Variants in KAT14 observed in about 807,000 individuals in gnomAD.
KAT14 encodes cysteine-rich protein 2-binding protein.
In KAT14, 66 loss-of-function variants were observed where a neutral mutation model predicts 78.4. The ratio of observed to expected loss-of-function variants is 0.84; its 90% CI spans 0.69 to 1.03. KAT14 has a LOEUF of 1.03. KAT14 is among the 50% of genes least tolerant of loss of function. The probability of loss-of-function intolerance (pLI) is 0.00; values close to 1 mark genes in which losing one functional copy is unlikely to be tolerated. For missense variants in KAT14, 870 were observed against 972.5 expected, an observed-to-expected ratio of 0.89 and a Z score of 1.40; for synonymous variants, 344 against 359.4, an observed-to-expected ratio of 0.96 and a Z score of 0.48.
intron 7 of KAT14, among the ~76,000 whole-genome samples, chr20:18,177,935 A>G (rs1328829348): frequency 6.6e-6 from 1 of 152,108 alleles, no homozygotes; most frequent in Non-Finnish European, 1.5e-5. Flanking sequence ...ATACCTTCCT[A>G]GGGAACAGAG....
At chr20:18,158,574 A>C (rs887677843) in intron 4 of KAT14, among the ~76,000 whole-genome samples, 1 of 152,202 alleles carries the variant, frequency 6.6e-6, no homozygotes, top group Non-Finnish European at 1.5e-5. Context: ...ACTCTAGTGC[A>C]TCGAGGCAGA....
At chr20:18,167,077 G>A (rs890303774) in intron 7 of KAT14, among the ~76,000 whole-genome samples, 2 of 152,166 alleles carry the variant, frequency 1.3e-5, no homozygotes, top group Non-Finnish European at 2.9e-5. Flanking sequence ...CTAGAGATCA[G>A]ACCTCCTGGC....
At chr20:18,168,510 T>C (rs149307969) in intron 7 of KAT14, among the ~76,000 whole-genome samples, 2,471 of 152,130 alleles carry the variant, frequency 0.016, 39 homozygotes, top group Non-Finnish European at 0.024. Flanking sequence ...CGTGGGTGAT[T>C]GGGTGAGACT....
intron 4 of KAT14, among the ~76,000 whole-genome samples, chr20:18,153,999 T>C (rs1009584734): frequency 2.0e-5 from 3 of 152,238 alleles, no homozygotes; most frequent in Non-Finnish European, 2.9e-5. Flanking sequence ...CAGTAAACTT[T>C]CTTTTGATCT....
At position 18,183,157 on chromosome 20, in the gene KAT14, C is replaced by T. The variant is rs769702175; in HGVS notation, c.1840C>T (p.Leu614Phe). The T allele has an allele frequency of 9.9e-6, 16 of 1,612,346 alleles. No individual in the cohort carries two copies. In the Admixed American group the frequency reaches 2.7e-4, roughly 27 times the overall value. The change falls in exon 9 of 11, where the codon CTC (leucine) becomes TTC (phenylalanine). Residue 614 changes from leucine (L) to phenylalanine (F), a missense_variant. Physicochemically the swap from Leu to Phe is conservative, Grantham distance 22. Transcript: ENST00000688188. ...TGAAACAAAGCCACCCAAACTGCAG[C>T]TCCTGTCACAGATTCGTTCCCACCT... ...DYETKPPKLQ[L>F]LSQIRSHLHR...
Position 18,161,818 on chromosome 20 carries a change from A to G in KAT14, c.683-5A>G, listed in dbSNP as rs80113248. On this transcript the variant is annotated splice_polypyrimidine_tract_variant and splice_region_variant and intron_variant, in intron 5 of 10. Transcript: ENST00000688188. Reference sequence around the variant, plus strand: ...ACTCAGCCTGTATTTATTCTTTCTTAGCAGCCTCAAAACCAACTTTAGATC... The same window carrying G: ...ACTCAGCCTGTATTTATTCTTTCTTGGCAGCCTCAAAACCAACTTTAGATC... The G allele has an allele frequency of 0.064, 103,212 of 1,609,846 alleles. 3,592 individuals carry two copies. Among genetic ancestry groups the G allele is most frequent in the Middle Eastern group, 0.12 (699 of 6,034 alleles).
intron 2 of KAT14, 183 bp downstream of exon 2, chr20:18,143,102 T>C: frequency 7.3e-7 from 1 of 1,377,474 alleles, no homozygotes; most frequent in Non-Finnish European, 9.4e-7. Context: ...AAACGTACTG[T>C]CAACCTCTAT....
intron 7 of KAT14, among the ~76,000 whole-genome samples, chr20:18,163,506 T>G (rs1303963629): frequency 1.3e-5 from 2 of 152,260 alleles, no homozygotes; most frequent in East Asian, 3.8e-4. Flanking sequence ...CTTATTCCCT[T>G]TATCTTTGCT....
At chr20:18,151,188 CTTATTTAT>C (rs542293023) in intron 4 of KAT14, among the ~76,000 whole-genome samples, 10 of 151,562 alleles carry the variant, frequency 6.6e-5, no homozygotes, top group Middle Eastern at 3.4e-3. Flanking sequence ...ACATGCCTGG[CTTATTTAT>C]TTATTTATTT....
At chr20:18,158,514 G>A (rs2038301850) in intron 4 of KAT14, among the ~76,000 whole-genome samples, 1 of 152,146 alleles carries the variant, frequency 6.6e-6, no homozygotes, top group Non-Finnish European at 1.5e-5. Context: ...ATTTTGTTGT[G>A]CAGTAGGTGC....
Position 18,162,688 on chromosome 20 carries a change from C to T in KAT14, c.1411C>T (p.Leu471Phe), listed in dbSNP as rs774536716. 1.9e-6 allele frequency: 3 copies of T among 1,614,112 alleles called. No individual in the cohort carries two copies. Among genetic ancestry groups the T allele is most frequent in the African/African-American group, 2.7e-5 (2 of 74,930 alleles). Residue 471 changes from leucine (L) to phenylalanine (F), a missense_variant, in exon 7 of 11, where the codon CTC becomes TTC. Coordinates refer to ENST00000688188, the MANE Select transcript of KAT14 (RefSeq NM_001392073.1). ...PVSIYEEKLL[L>F]KRLEACPGAV... is the part of the protein sequence containing the mutation. ...GAGCATCTACGAGGAAAAGCTGCTG[C>T]TCAAGAGGCTGGAAGCTTGTCCCGG...
intron 3 of KAT14, among the ~76,000 whole-genome samples, chr20:18,150,309 G>T (rs575130787): frequency 6.6e-6 from 1 of 152,256 alleles, no homozygotes; most frequent in Admixed American, 6.5e-5. Context: ...TTTTAGTTCT[G>T]AAATTCTGAG....
chr20:18,142,970 GT>G, intron 2 of KAT14, 51 bp downstream of exon 2: 1 of 1,592,282 alleles, frequency 6.3e-7, no homozygotes, highest in Admixed American at 1.7e-5. Context: ...GTGAAGGTTT[GT>G]TTTTCCAACC....
intron 7 of KAT14, among the ~76,000 whole-genome samples, chr20:18,181,070 A>C (rs971534333): frequency 1.3e-5 from 2 of 152,218 alleles, no homozygotes; most frequent in Non-Finnish European, 2.9e-5. Flanking sequence ...TTGAAGGCAT[A>C]ATATAGACAA....
intron 7 of KAT14, among the ~76,000 whole-genome samples, chr20:18,174,359 A>C (rs1188559662): frequency 6.6e-6 from 1 of 151,824 alleles, no homozygotes; most frequent in Non-Finnish European, 1.5e-5. Flanking sequence ...GTCAAATGTA[A>C]CTCTGTGTTT....
At chr20:18,179,258 C>T (rs1439686137) in intron 7 of KAT14, among the ~76,000 whole-genome samples, 1 of 152,162 alleles carries the variant, frequency 6.6e-6, no homozygotes, top group East Asian at 1.9e-4. Context: ...ATCTGCCATT[C>T]TGGGGTCTGA....
At chr20:18,155,553 T>C (rs2038196472) in intron 4 of KAT14, among the ~76,000 whole-genome samples, 3 of 152,196 alleles carry the variant, frequency 2.0e-5, no homozygotes, top group Admixed American at 6.5e-5. Context: ...ATTGTTGTTA[T>C]AGCTCCCCTC....
intron 4 of KAT14, among the ~76,000 whole-genome samples, chr20:18,157,152 C>G (rs927670557): frequency 1.3e-5 from 2 of 152,184 alleles, no homozygotes; most frequent in Non-Finnish European, 2.9e-5. Flanking sequence ...AGTACGCACC[C>G]GTTTTCGACA....
rs2039266094 is a variant in KAT14, at chr20:18,181,809, A to G, written c.1768A>G (p.Ser590Gly). 1.2e-6 allele frequency: 2 copies of G among 1,614,210 alleles called. No homozygotes were observed. The highest frequency in any genetic ancestry group is 1.7e-6 in the Non-Finnish European group (2 of 1,180,034). ...TATGGCTGTGGACCAGAGTATTGTCAGCCCTTATACCTCTCGGATCTTGAA... is the reference window on the plus strand; with the variant it reads ...TATGGCTGTGGACCAGAGTATTGTCGGCCCTTATACCTCTCGGATCTTGAA... ...EDMAVDQSIV[S>G]PYTSRILKPY... Residue 590 changes from serine to glycine, a missense_variant, in exon 8 of 11, where the codon AGC becomes GGC. Transcript: ENST00000688188.
Sources: allele counts gnomAD v4.1 joint callset (sites outside exome capture counted in the v4.1 genomes callset), GRCh38; gene constraint gnomAD v4.1.1; transcripts MANE v1.5; gene names NCBI Gene and HGNC (gene_info 2026-07-23, HGNC 2026-07-21).